MTA1: variants seen among roughly 807,000 people sequenced by gnomAD.
MTA1 encodes metastasis associated 1, also known as metastasis-associated protein MTA1.
MTA1 carries 15 observed loss-of-function variants against 97.0 expected under a neutral mutation model. The ratio of observed to expected loss-of-function variants is 0.15; its 90% CI spans 0.10 to 0.24. The LOEUF (loss-of-function observed/expected upper bound fraction) is 0.24, where lower values mean the gene tolerates loss of function less well. MTA1 is among the 10% of genes least tolerant of loss of function. The pLI is 1.00. For missense variants in MTA1, 709 were observed against 1,015.1 expected (o/e 0.70, Z 4.10); for synonymous variants, 435 against 417.5 (o/e 1.04, Z -0.51).
intron 1 of MTA1, among the ~76,000 whole-genome samples, chr14:105,421,759 C>A (rs774850474): frequency 1.3e-5 from 2 of 152,224 alleles, no homozygotes; most frequent in African/African-American, 4.8e-5. Flanking sequence ...AAGCCAGGAC[C>A]CTGCCTTGTC....
Position 105,466,772 on chromosome 14 carries a change from C to T in MTA1, c.1813+30C>T, listed in dbSNP as rs371401159. ...GGCCTGGAGCCGCGGGCGGGCGCTG[C>T]GCCGGCCCCGCCCGTGATGCCTGTG... On this transcript the variant is annotated intron_variant, in intron 18 of 20. Transcript: ENST00000331320. 1.9e-4 allele frequency: 296 copies of T among 1,554,118 alleles called. No individual in the cohort carries two copies. In the African/African-American group the frequency reaches 3.5e-3, roughly 18 times the overall value.
In MTA1 at chr14:105,424,137, C is replaced by G. The variant is rs1595250046; in HGVS notation, c.28+4074C>G. ...GCCATTGGCAGCCCTGGCTCACTCT[C>G]CAGGCAGGATGGGCCACTGAGCTTC... On this transcript the variant is annotated intron_variant, in intron 1 of 20. Coordinates refer to ENST00000331320, the MANE Select transcript of MTA1 (RefSeq NM_004689.4). The surrounding 1 kb of genome is among the most constrained non-coding windows in gnomAD (Gnocchi z 4.0). 6.6e-6 allele frequency among the ~76,000 whole-genome samples: 1 copy of G among 152,360 alleles called. No homozygotes were observed. The highest frequency in any genetic ancestry group is 2.1e-4 in the South Asian group (1 of 4,832).
In MTA1 at chr14:105,424,902, C is replaced by T. The variant is rs145159746; in HGVS notation, c.28+4839C>T. On this transcript the variant is annotated intron_variant, in intron 1 of 20. Coordinates refer to ENST00000331320, the MANE Select transcript of MTA1 (RefSeq NM_004689.4). The surrounding 1 kb of genome is among the most constrained non-coding windows in gnomAD (Gnocchi z 4.0). ...ATATGGTCCAATGAAGCACATCCCT[C>T]GCGCCCGACCCGCCCTGGCAGTGCC... 3.1e-3 allele frequency among the ~76,000 whole-genome samples: 465 copies of T among 152,380 alleles called. 1 individual carries two copies. Among genetic ancestry groups the T allele is most frequent in the Admixed American group, 5.4e-3 (82 of 15,310 alleles).
chr14:105,441,717 C>T (rs1161739841), intron 2 of MTA1, among the ~76,000 whole-genome samples: 2 of 152,112 alleles, frequency 1.3e-5, no homozygotes, highest in South Asian at 2.1e-4. Flanking sequence ...TGGCGTGAAC[C>T]CGGGAGGTGG....
At chr14:105,447,049 G>A (rs2082740060) in intron 3 of MTA1, among the ~76,000 whole-genome samples, 1 of 152,252 alleles carries the variant, frequency 6.6e-6, no homozygotes, top group Non-Finnish European at 1.5e-5. Flanking sequence ...ACATTCTGGA[G>A]GGGTGTTTGG....
At chr14:105,455,571 G>A (rs1326292783) in intron 7 of MTA1, among the ~76,000 whole-genome samples, 3 of 152,066 alleles carry the variant, frequency 2.0e-5, no homozygotes, top group East Asian at 3.9e-4. Flanking sequence ...TTTTGAGAGC[G>A]GGTCTTGCTG....
Position 105,469,468 on chromosome 14 carries a change from T to G in MTA1, c.1815T>G (p.Gly605=), listed in dbSNP as rs782727492. 1.2e-6 allele frequency: 2 copies of G among 1,612,940 alleles called. No individual in the cohort carries two copies. Among genetic ancestry groups the G allele is most frequent in the Non-Finnish European group, 8.5e-7 (1 of 1,179,802 alleles). The change falls in exon 19 of 21, where the codon GGT becomes GGG. Residue 605 remains glycine, a splice_region_variant and synonymous_variant. Transcript: ENST00000331320. ...TTTCTCTCCTCCATTTCTCATCAGG[T>G]CTGGCAAACCACGGACAGGCCAGGC... is the stretch of plus-strand genomic sequence containing the variant. ...MKKRLLMPSR[G]LANHGQARHM...
chr14:105,445,776 G>A (rs1039829114), intron 3 of MTA1: 1 of 581,690 alleles, frequency 1.7e-6, no homozygotes, highest in Admixed American at 2.4e-5. Context: ...GCTTGTCATG[G>A]TGTGGCTGGG....
chr14:105,427,686 T>C (rs587730821), intron 1 of MTA1, among the ~76,000 whole-genome samples: 1 of 152,062 alleles, frequency 6.6e-6, no homozygotes, highest in Non-Finnish European at 1.5e-5. Context: ...CTGCAAACAA[T>C]GAGAATTGAC....
In MTA1 at chr14:105,433,270, C is replaced by G. The variant is rs587682060; in HGVS notation, c.29-5402C>G. Among the ~76,000 whole-genome samples, 10 of 152,220 alleles carry G rather than the reference C, an allele frequency of 6.6e-5. No individual in the cohort carries two copies. In the East Asian group the frequency reaches 1.9e-3, roughly 29 times the overall value. ...GCGTATTTCCAAGCAGGGACGCTCCCGTGAGCCTTGGTGGTCCAGGTGTTT... is the reference window on the plus strand; with the variant it reads ...GCGTATTTCCAAGCAGGGACGCTCCGGTGAGCCTTGGTGGTCCAGGTGTTT... On this transcript the variant is annotated intron_variant, in intron 1 of 20. Transcript: ENST00000331320.
chr14:105,456,943 A>C (rs1406869017), intron 7 of MTA1, among the ~76,000 whole-genome samples: 2 of 152,246 alleles, frequency 1.3e-5, no homozygotes, highest in Admixed American at 6.5e-5. Context: ...CACATGGCCC[A>C]GGATGTCCGG....
intron 1 of MTA1, among the ~76,000 whole-genome samples, chr14:105,429,592 C>T (rs2082116642): frequency 6.6e-6 from 1 of 151,630 alleles, no homozygotes; most frequent in African/African-American, 2.4e-5. Flanking sequence ...GCTGGGACTA[C>T]AGGTGCCCGC....
chr14:105,464,093 A>T lies in MTA1; in HGVS notation c.1138A>T (p.Thr380Ser). ...CGTCAAGGCCGGTGTGGTGAACGGC[A>T]CGGGGGCGCCGGGCCAGAGCCCTGG... ...NNVKAGVVNG[T>S]GAPGQSPGAG... is the part of the protein sequence containing the mutation. Residue 380 changes from threonine (T) to serine (S), a missense_variant, in exon 13 of 21, where the codon ACG becomes TCG. By Grantham distance (58) the Thr-to-Ser change is moderately conservative. Transcript: ENST00000331320. The T allele has an allele frequency of 1.9e-6, 3 of 1,612,366 alleles. No homozygotes were observed. Among genetic ancestry groups the T allele is most frequent in the Non-Finnish European group, 2.5e-6 (3 of 1,179,732 alleles).
intron 10 of MTA1, among the ~76,000 whole-genome samples, chr14:105,462,110 A>G (rs10150562): frequency 1.2e-4 from 17 of 145,132 alleles, no homozygotes; most frequent in East Asian, 4.1e-4. Context: ...ATGCCCAGGC[A>G]CGGTCTCGGG....
chr14:105,425,195 C>G (rs1555421954), intron 1 of MTA1, among the ~76,000 whole-genome samples: 1 of 152,234 alleles, frequency 6.6e-6, no homozygotes, highest in African/African-American at 2.4e-5. Flanking sequence ...GGTGGCCCCC[C>G]TTCCCCAGGA....
At chr14:105,440,259 G>A (rs1408960273) in intron 2 of MTA1, among the ~76,000 whole-genome samples, 1 of 152,256 alleles carries the variant, frequency 6.6e-6, no homozygotes, top group African/African-American at 2.4e-5. Flanking sequence ...AGCACTTTAC[G>A]CATCCCAGCA....
At chr14:105,447,391 G>A (rs1428438148) in intron 3 of MTA1, among the ~76,000 whole-genome samples, 2 of 152,226 alleles carry the variant, frequency 1.3e-5, no homozygotes, top group Non-Finnish European at 2.9e-5. Context: ...CCCTGCTCCA[G>A]AGAGCCTGTA....
At chr14:105,445,667 T>C in intron 3 of MTA1, 156 bp downstream of exon 3, 1 of 786,864 alleles carries the variant, frequency 1.3e-6, no homozygotes, top group Non-Finnish European at 2.2e-6. Flanking sequence ...CCTTCCACAG[T>C]GGGCGGGGGT....
At chr14:105,464,963 C>A (rs1246587339) in intron 15 of MTA1, 100 bp downstream of exon 15, 2 of 1,440,606 alleles carry the variant, frequency 1.4e-6, no homozygotes, top group Admixed American at 5.1e-5. Flanking sequence ...GAGTTCTGAT[C>A]TCAGGGAGCC....
Sources: gnomAD v4.1 joint callset for allele counts (sites outside exome capture counted in the v4.1 genomes callset) on GRCh38, gnomAD v4.1.1 for gene constraint, Gnocchi (gnomAD v3.1) non-coding constraint, MANE v1.5 for transcripts, NCBI Gene and HGNC (gene_info 2026-07-23, HGNC 2026-07-21) for gene names.